The following EMILIN2 variants were observed in gnomAD, a reference collection of about 807,000 sequenced individuals.
EMILIN2 encodes the protein elastin microfibril interfacer 2.
In EMILIN2, 71 loss-of-function variants were observed where a neutral mutation model predicts 87.1. That is an observed-to-expected ratio of 0.82 (90% confidence interval 0.67 to 0.99). The LOEUF (loss-of-function observed/expected upper bound fraction) is 0.99, where lower values mean the gene tolerates loss of function less well. Ranked by LOEUF, EMILIN2 falls within the 50% of genes least tolerant of loss-of-function variation. The probability of loss-of-function intolerance (pLI) is 0.00; values close to 1 mark genes in which losing one functional copy is unlikely to be tolerated. For missense variants in EMILIN2, 1,407 were observed against 1,371.8 expected (o/e 1.03, Z -0.40); for synonymous variants, 581 against 563.4 (o/e 1.03, Z -0.44).
At chr18:2,868,292 A>C (rs527685055) in intron 2 of EMILIN2, among the ~76,000 whole-genome samples, 1 of 151,472 alleles carries the variant, frequency 6.6e-6, no homozygotes, top group Non-Finnish European at 1.5e-5. Flanking sequence ...GCGGCGGGGA[A>C]GAGGCGCTCC....
chr18:2,891,944 A>G lies in EMILIN2; in HGVS notation c.1817A>G (p.Gln606Arg). The G allele has an allele frequency of 6.2e-7, 1 of 1,614,242 alleles. No homozygotes were observed. Among genetic ancestry groups the G allele is most frequent in the Non-Finnish European group, 8.5e-7 (1 of 1,180,046 alleles). ...ETEQTIQKLQ[Q>R]DFSFLYSQLN... ...GAACAAACCATCCAGAAACTTCAACAGGATTTTAGTTTTCTTTATTCTCAA... is the reference window on the plus strand; with the variant it reads ...GAACAAACCATCCAGAAACTTCAACGGGATTTTAGTTTTCTTTATTCTCAA... The change falls in exon 4 of 8, where the codon CAG (glutamine) becomes CGG (arginine). Residue 606 changes from glutamine to arginine, a missense_variant. Coordinates refer to ENST00000254528, the MANE Select transcript of EMILIN2 (RefSeq NM_032048.3). This position sits in a 1 kb window ranked among gnomAD's most constrained non-coding sequence, Gnocchi z 4.6.
intron 4 of EMILIN2, among the ~76,000 whole-genome samples, chr18:2,900,132 GTT>G (rs11314488): frequency 2.6e-5 from 4 of 151,206 alleles, no homozygotes; most frequent in South Asian, 2.1e-4. Context: ...AAGCTTGAGG[GTT>G]TTTTTTTTCA....
At chr18:2,887,214 C>G (rs2144029351) in intron 3 of EMILIN2, among the ~76,000 whole-genome samples, 1 of 152,150 alleles carries the variant, frequency 6.6e-6, no homozygotes, top group Middle Eastern at 3.4e-3. Context: ...TAAAAAAACA[C>G]CAAAACTTTT....
intron 4 of EMILIN2, among the ~76,000 whole-genome samples, chr18:2,893,378 G>GCC (rs1004916648): frequency 5.1e-5 from 2 of 38,920 alleles, no homozygotes; most frequent in Non-Finnish European, 1.1e-4. Context: ...TTTGTTTCCA[G>GCC]ACACAGGACC....
At chr18:2,905,074 G>C (rs1387926672) in intron 4 of EMILIN2, among the ~76,000 whole-genome samples, 1 of 152,046 alleles carries the variant, frequency 6.6e-6, no homozygotes, top group Non-Finnish European at 1.5e-5. Flanking sequence ...TTCTCAACCA[G>C]GGTTCTAAAG....
At chr18:2,855,786 C>CATGT (rs1200696136) in intron 2 of EMILIN2, among the ~76,000 whole-genome samples, 11 of 152,214 alleles carry the variant, frequency 7.2e-5, no homozygotes, top group Admixed American at 7.2e-4. Context: ...GTCTACATGA[C>CATGT]AGGGTTGTGG....
At chr18:2,851,178 C>T (rs1335769331) in intron 2 of EMILIN2, among the ~76,000 whole-genome samples, 1 of 151,682 alleles carries the variant, frequency 6.6e-6, no homozygotes, top group Non-Finnish European at 1.5e-5. Context: ...TGGCTCTTGC[C>T]TGTAATCCCA....
At chr18:2,912,605 G>GC (rs2076946621) in intron 7 of EMILIN2, among the ~76,000 whole-genome samples, 1 of 152,164 alleles carries the variant, frequency 6.6e-6, no homozygotes, top group Non-Finnish European at 1.5e-5. Context: ...GTGGGTCATG[G>GC]GCTGAGTATC....
At chr18:2,876,815 T>C (rs1387129254) in intron 2 of EMILIN2, among the ~76,000 whole-genome samples, 1 of 152,252 alleles carries the variant, frequency 6.6e-6, no homozygotes, top group Non-Finnish European at 1.5e-5. Context: ...CTGATTTTTA[T>C]CAGGGCTCTT....
chr18:2,914,548 C>CT lies in EMILIN2; in HGVS notation c.*1145dup, dbSNP rs1314190722. The CT allele has an allele frequency of 1.3e-5, 2 of 152,200 alleles. No homozygotes were observed. The highest frequency in any genetic ancestry group is 2.9e-5 in the Non-Finnish European group (2 of 68,054). The allele number at this position is 152,200 out of a possible 1,614,324, so 9.4% of individuals were successfully genotyped here. ...TGAGGGGAGGCCCGGGAGTATCAAT[C>CT]TGTCACCAGTGGCCACGGAGACCTC... On this transcript the variant is annotated 3_prime_UTR_variant, in exon 8 of 8. Coordinates refer to ENST00000254528, the MANE Select transcript of EMILIN2 (RefSeq NM_032048.3).
chr18:2,888,331 C>A (rs35508544), intron 3 of EMILIN2, among the ~76,000 whole-genome samples: 1 of 152,086 alleles, frequency 6.6e-6, no homozygotes, highest in Non-Finnish European at 1.5e-5. Context: ...AATCTTCCCC[C>A]CTTTGCCGCC....
intron 4 of EMILIN2, among the ~76,000 whole-genome samples, chr18:2,905,750 G>A (rs1344725521): frequency 1.3e-5 from 2 of 149,240 alleles, no homozygotes; most frequent in Non-Finnish European, 1.5e-5. Context: ...TTACAGGTGC[G>A]CTCCACTACC....
At chr18:2,873,064 A>C (rs956388736) in intron 2 of EMILIN2, among the ~76,000 whole-genome samples, 10 of 151,922 alleles carry the variant, frequency 6.6e-5, no homozygotes, top group African/African-American at 1.9e-4. Context: ...AAAAAAAACA[A>C]AACCAAAAAC....
rs192538782 is a variant in EMILIN2 at position 2,875,611 on chromosome 18, C to T, written c.258-9353C>T. ...CCCACACTCACTCCCCACCTCCCCA[C>T]GCTTAGGGCAGTGCCTTGAGTTTTG... On this transcript the variant is annotated intron_variant, in intron 2 of 7. Coordinates refer to ENST00000254528, the MANE Select transcript of EMILIN2 (RefSeq NM_032048.3). 1.4e-3 allele frequency among the ~76,000 whole-genome samples: 218 copies of T among 152,350 alleles called. 1 individual carries two copies. Among genetic ancestry groups the T allele is most frequent in the African/African-American group, 5.0e-3 (207 of 41,588 alleles).
chr18:2,858,716 A>C (rs972939581), intron 2 of EMILIN2, among the ~76,000 whole-genome samples: 2 of 149,904 alleles, frequency 1.3e-5, no homozygotes, highest in Non-Finnish European at 3.0e-5. Flanking sequence ...GCTCACTGCA[A>C]CCTCTGCCTC....
chr18:2,852,229 A>G (rs886927250), intron 2 of EMILIN2, among the ~76,000 whole-genome samples: 1 of 152,226 alleles, frequency 6.6e-6, no homozygotes, highest in South Asian at 2.1e-4. Flanking sequence ...CCTATGACGC[A>G]TGAACTATGT....
intron 2 of EMILIN2, among the ~76,000 whole-genome samples, chr18:2,873,820 G>GAA (rs2144000557): frequency 1.3e-5 from 2 of 152,298 alleles, no homozygotes; most frequent in Admixed American, 1.3e-4. Flanking sequence ...TCCTCTTGAA[G>GAA]TACAGGAGTT....
At chr18:2,857,991 C>T (rs779443917) in intron 2 of EMILIN2, among the ~76,000 whole-genome samples, 1 of 152,158 alleles carries the variant, frequency 6.6e-6, no homozygotes, top group Non-Finnish European at 1.5e-5. Context: ...ACTGGCAAGG[C>T]AAGGCACAGA....
chr18:2,902,106 C>T (rs142233049), intron 4 of EMILIN2, among the ~76,000 whole-genome samples: 2 of 152,298 alleles, frequency 1.3e-5, no homozygotes, highest in African/African-American at 4.8e-5. Context: ...TAGTAAAAGA[C>T]AGAATGATCA....
Sources: allele counts gnomAD v4.1 joint callset (sites outside exome capture counted in the v4.1 genomes callset), GRCh38; gene constraint gnomAD v4.1.1; non-coding constraint Gnocchi (gnomAD v3.1); transcripts MANE v1.5; gene names NCBI Gene and HGNC (gene_info 2026-07-23, HGNC 2026-07-21).